Variants in CYP19A1 observed in about 807,000 individuals in gnomAD.
CYP19A1 encodes the protein cytochrome P450 family 19 subfamily A member 1.
Under a neutral mutation model 44.4 loss-of-function variants are expected in CYP19A1, and 32 were observed. The observed-to-expected ratio is 0.72, with a 90% confidence interval of 0.54 to 0.97. CYP19A1 has a LOEUF of 0.97. CYP19A1 is among the 50% of genes least tolerant of loss of function. CYP19A1 has a pLI of 0.00. For missense variants in CYP19A1, 598 were observed against 637.8 expected, an observed-to-expected ratio of 0.94 and a Z score of 0.67; for synonymous variants, 212 against 215.6, an observed-to-expected ratio of 0.98 and a Z score of 0.14.
intron 1 of CYP19A1, among the ~76,000 whole-genome samples, chr15:51,282,734 C>A (rs182812715): frequency 1.3e-5 from 2 of 152,236 alleles, no homozygotes; most frequent in African/African-American, 4.8e-5. Context: ...GGTGAAGGAA[C>A]ACTAGAGCAT....
intron 2 of CYP19A1, among the ~76,000 whole-genome samples, chr15:51,241,402 C>T (rs1032203540): frequency 2.6e-5 from 4 of 152,210 alleles, no homozygotes; most frequent in African/African-American, 9.6e-5. Context: ...GACTTAAAAG[C>T]TTGAGAACCT....
chr15:51,269,669 G>C (rs1038341789), intron 1 of CYP19A1, among the ~76,000 whole-genome samples: 1 of 152,184 alleles, frequency 6.6e-6, no homozygotes, highest in Non-Finnish European at 1.5e-5. Context: ...ACAATGACAA[G>C]CATGCTAAGG....
intron 1 of CYP19A1, among the ~76,000 whole-genome samples, chr15:51,308,308 C>G (rs1297159166): frequency 1.3e-5 from 2 of 152,200 alleles, no homozygotes; most frequent in Non-Finnish European, 2.9e-5. Context: ...TGATCCCCAC[C>G]AAGTCGGTCC....
Position 51,230,117 on chromosome 15 carries a change from T to C in CYP19A1, c.297-2184A>G, listed in dbSNP as rs143759694. Among the ~76,000 whole-genome samples, 20 of 152,304 alleles carry C rather than the reference T, an allele frequency of 1.3e-4. No individual in the cohort carries two copies. In the East Asian group the frequency reaches 3.7e-3, roughly 28 times the overall value. ...CAAGGGATGTGTGACTGGCCACAGATGAGCAATTTAAAACAAGGTCACTTA... is the reference window on the plus strand; with the variant it reads ...CAAGGGATGTGTGACTGGCCACAGACGAGCAATTTAAAACAAGGTCACTTA... On this transcript the variant is annotated intron_variant, in intron 3 of 9. Transcript: ENST00000396402.
chr15:51,287,629 C>A (rs1464697311), intron 1 of CYP19A1, among the ~76,000 whole-genome samples: 1 of 152,180 alleles, frequency 6.6e-6, no homozygotes, highest in Non-Finnish European at 1.5e-5. Context: ...CTGGCCAGGT[C>A]TCCATCCTAC....
intron 1 of CYP19A1, among the ~76,000 whole-genome samples, chr15:51,325,643 T>C (rs999634533): frequency 6.6e-6 from 1 of 151,980 alleles, no homozygotes; most frequent in Non-Finnish European, 1.5e-5. Flanking sequence ...ATCAAGACCA[T>C]CCTGGCTAAC....
intron 8 of CYP19A1, among the ~76,000 whole-genome samples, chr15:51,213,783 G>A (rs140837380): frequency 6.1e-4 from 93 of 152,174 alleles, no homozygotes; most frequent in African/African-American, 2.2e-3. Context: ...GCCCTCCTTC[G>A]GTCTCTCTTT....
intron 4 of CYP19A1, among the ~76,000 whole-genome samples, chr15:51,225,917 G>A (rs1202217182): frequency 2.6e-5 from 4 of 151,574 alleles, no homozygotes; most frequent in African/African-American, 7.3e-5. Context: ...GTGAAACCCC[G>A]TCTCTACTGA....
At chr15:51,291,183 T>A (rs1300080274) in intron 1 of CYP19A1, among the ~76,000 whole-genome samples, 3 of 151,994 alleles carry the variant, frequency 2.0e-5, no homozygotes, top group Admixed American at 1.3e-4. Context: ...AGTTTTTGGG[T>A]GGGAATATGA....
At chr15:51,220,975 GTT>G (rs34931824) in intron 5 of CYP19A1, among the ~76,000 whole-genome samples, 2 of 144,098 alleles carry the variant, frequency 1.4e-5, no homozygotes, top group Admixed American at 7.0e-5. Context: ...GCATGCACAT[GTT>G]TTTTTTTTTT....
Position 51,215,697 on chromosome 15 carries a change from C to G in CYP19A1, c.858+6G>C. 1 of 1,613,922 alleles carries G rather than the reference C, an allele frequency of 6.2e-7. No individual in the cohort carries two copies. The highest frequency in any genetic ancestry group is 8.5e-7 in the Non-Finnish European group (1 of 1,179,928). ...CATGGGAATTACAGTTAGTTCAGGT[C>G]AGTACCTCTGCTAAAATCAACTCAG... On this transcript the variant is annotated splice_donor_region_variant and intron_variant, in intron 7 of 9. Coordinates refer to ENST00000396402, the MANE Select transcript of CYP19A1 (RefSeq NM_000103.4).
At chr15:51,321,949 GA>G (rs11413488) in intron 1 of CYP19A1, 9,086 of 144,804 alleles carry the variant, frequency 0.063, 892 homozygotes, top group African/African-American at 0.21. Flanking sequence ...CTGTTTAGGG[GA>G]AAAAAAAAAA....
chr15:51,274,477 G>A (rs754478681), intron 1 of CYP19A1, among the ~76,000 whole-genome samples: 3 of 152,208 alleles, frequency 2.0e-5, no homozygotes, highest in Admixed American at 2.0e-4. Context: ...AAGTGTAACA[G>A]GTGAAGAGCT....
At chr15:51,288,731 C>A (rs1190869776) in intron 1 of CYP19A1, among the ~76,000 whole-genome samples, 7 of 152,236 alleles carry the variant, frequency 4.6e-5, no homozygotes, top group Non-Finnish European at 2.9e-5. Flanking sequence ...GGCATGACAG[C>A]TGTGATCTGG....
At chr15:51,273,963 T>C (rs541404939) in intron 1 of CYP19A1, among the ~76,000 whole-genome samples, 2 of 152,060 alleles carry the variant, frequency 1.3e-5, no homozygotes, top group South Asian at 4.2e-4. Context: ...GCCAAGATCA[T>C]GCCATTGCAC....
intron 1 of CYP19A1, among the ~76,000 whole-genome samples, chr15:51,281,964 G>C (rs933309368): frequency 2.6e-5 from 4 of 152,138 alleles, no homozygotes; most frequent in African/African-American, 9.7e-5. Context: ...AGGAATTAGA[G>C]GTAGAAAAGG....
At chr15:51,330,883 T>C (rs148146286) in intron 1 of CYP19A1, among the ~76,000 whole-genome samples, 1 of 152,258 alleles carries the variant, frequency 6.6e-6, no homozygotes, top group African/African-American at 2.4e-5. Context: ...TCATTGTATT[T>C]TGCAAATAAG....
In CYP19A1 at chr15:51,236,977, T is replaced by A; in HGVS notation, c.178A>T (p.Ile60Phe). The A allele has an allele frequency of 6.2e-7, 1 of 1,614,078 alleles. No individual in the cohort carries two copies. The highest frequency in any genetic ancestry group is 8.5e-7 in the Non-Finnish European group (1 of 1,179,990). The change falls in exon 3 of 10, where the codon ATC becomes TTC. Residue 60 changes from isoleucine to phenylalanine, a missense_variant. By Grantham distance (21) the Ile-to-Phe change is conservative (BLOSUM62 0). Coordinates refer to ENST00000396402, the MANE Select transcript of CYP19A1 (RefSeq NM_000103.4). ...ATCCACAGGAATCTGCCGTGGGAGA[T>A]GAGGGGTCCAATTCCCATGCAGTAG... ...PGYCMGIGPL[I>F]SHGRFLWMGI...
intron 1 of CYP19A1, among the ~76,000 whole-genome samples, chr15:51,304,561 T>C (rs1391188150): frequency 6.6e-6 from 1 of 152,268 alleles, no homozygotes; most frequent in Admixed American, 6.5e-5. Flanking sequence ...GAAATGTTTA[T>C]TTCCTTTAAG....
Sources: allele counts gnomAD v4.1 joint callset (sites outside exome capture counted in the v4.1 genomes callset), GRCh38; gene constraint gnomAD v4.1.1; transcripts MANE v1.5; gene names NCBI Gene and HGNC (gene_info 2026-07-23, HGNC 2026-07-21).